The following CDK14 variants were observed in gnomAD, a reference collection of about 807,000 sequenced individuals.
CDK14 encodes cyclin dependent kinase 14, also known as cyclin-dependent kinase 14.
CDK14 carries 34 observed loss-of-function variants against 60.7 expected under a neutral mutation model. The ratio of observed to expected loss-of-function variants is 0.56; its 90% CI spans 0.43 to 0.75. The LOEUF (loss-of-function observed/expected upper bound fraction) is 0.75. Ranked by LOEUF, CDK14 falls within the 30% of genes least tolerant of loss-of-function variation. The pLI is 0.00. For missense variants in CDK14, 482 were observed against 564.1 expected (o/e 0.85, Z 1.47); for synonymous variants, 197 against 203.7 (o/e 0.97, Z 0.28).
chr7:91,017,050 T>A (rs1403448086), intron 10 of CDK14, among the ~76,000 whole-genome samples: 2 of 152,232 alleles, frequency 1.3e-5, no homozygotes, highest in African/African-American at 4.8e-5. Flanking sequence ...CAGTGGTGTT[T>A]CCTTTCTTCA....
intron 11 of CDK14, among the ~76,000 whole-genome samples, chr7:91,062,832 G>C (rs982495379): frequency 6.6e-6 from 1 of 152,114 alleles, no homozygotes; most frequent in African/African-American, 2.4e-5. Flanking sequence ...TGGTGAGCTG[G>C]GTTTCAGCTG....
rs1554416545 is a variant in CDK14 at position 90,598,704 on chromosome 7, A to ATTTGT, written c.91+1989_91+1990insGTTTT. Among the ~76,000 whole-genome samples the ATTTGT allele has an allele frequency of 3.1e-4, 27 of 87,904 alleles. 4 individuals carry two copies. The highest frequency in any genetic ancestry group is 1.2e-3 in the East Asian group (4 of 3,446). The allele number at this position is 87,904 out of a possible 152,430, so 57.7% of individuals were successfully genotyped here. A position where few individuals can be genotyped will look rare whatever the true frequency, so the allele number is the denominator to read the frequency against. On this transcript the variant is annotated intron_variant, in intron 1 of 14. Transcript: ENST00000380050. Reference sequence around the variant, plus strand: ...GTGAACTCATTCTGATTATCTAAGGATTTTTTTTTTTTTTTTTTGAGACGG... The same window carrying ATTTGT: ...GTGAACTCATTCTGATTATCTAAGGATTTGTTTTTTTTTTTTTTTTTTTGAGACGG...
chr7:90,682,575 A>G (rs1018621088), intron 2 of CDK14, among the ~76,000 whole-genome samples: 2 of 152,212 alleles, frequency 1.3e-5, no homozygotes. Context: ...GTTTATACCT[A>G]TTCAGCATAT....
chr7:90,984,272 A>C, intron 10 of CDK14, 31 bp downstream of exon 10: 1 of 1,459,170 alleles, frequency 6.9e-7, no homozygotes, highest in Non-Finnish European at 9.6e-7. Context: ...TTCTAAGAAA[A>C]ATTGGTTTCT....
At chr7:91,163,645 A>G (rs55946461) in intron 14 of CDK14, among the ~76,000 whole-genome samples, 18,396 of 152,168 alleles carry the variant, frequency 0.12, 1,845 homozygotes, top group East Asian at 0.52. Context: ...ACTTTGAAAT[A>G]CATAATACAG....
chr7:90,649,345 CTTCCTTCCTTCCTTCCTTCCT>C (rs1584768143), intron 2 of CDK14, among the ~76,000 whole-genome samples: 43 of 46,556 alleles, frequency 9.2e-4, no homozygotes, highest in East Asian at 6.5e-3. Flanking sequence ...TCCTTCCTTC[CTTCCTTCCTTCCTTCCTTCCT>C]TTCCTTCCTT....
intron 11 of CDK14, among the ~76,000 whole-genome samples, chr7:91,057,067 C>T (rs1443900825): frequency 6.6e-6 from 1 of 152,044 alleles, no homozygotes; most frequent in Non-Finnish European, 1.5e-5. Flanking sequence ...CTCTCCAGCA[C>T]CTGTTGTTTC....
chr7:90,888,460 ACT>A (rs781217665), intron 6 of CDK14, among the ~76,000 whole-genome samples: 1 of 151,866 alleles, frequency 6.6e-6, no homozygotes, highest in Non-Finnish European at 1.5e-5. Context: ...TTTTTAAAAG[ACT>A]CTATTATTCA....
At chr7:91,034,018 T>TTTC (rs1280620567) in intron 10 of CDK14, among the ~76,000 whole-genome samples, 1 of 152,236 alleles carries the variant, frequency 6.6e-6, no homozygotes, top group African/African-American at 2.4e-5. Context: ...ACTGCAGAAT[T>TTTC]TTCCAGGCAC....
intron 9 of CDK14, among the ~76,000 whole-genome samples, chr7:90,973,289 T>C (rs1242316594): frequency 2.0e-5 from 3 of 152,066 alleles, no homozygotes; most frequent in Non-Finnish European, 4.4e-5. Context: ...CCCCCCACCA[T>C]AATAGTCTAA....
At chr7:90,623,580 A>G (rs1345455051) in intron 2 of CDK14, among the ~76,000 whole-genome samples, 1 of 152,192 alleles carries the variant, frequency 6.6e-6, no homozygotes, top group Non-Finnish European at 1.5e-5. Context: ...TTTTCAATTT[A>G]TTAAAAAGTA....
intron 10 of CDK14, among the ~76,000 whole-genome samples, chr7:91,010,847 C>T (rs1050956631): frequency 1.2e-3 from 121 of 102,380 alleles, no homozygotes; most frequent in African/African-American, 4.1e-3. Context: ...CTCCCTCCCT[C>T]CCTCCCTCCC....
At chr7:90,778,693 C>T (rs1261122416) in intron 4 of CDK14, among the ~76,000 whole-genome samples, 1 of 152,012 alleles carries the variant, frequency 6.6e-6, no homozygotes. Flanking sequence ...CTTTCCCTTC[C>T]TCCTTCTCTT....
chr7:90,863,245 G>A lies in CDK14; in HGVS notation c.615G>A (p.Thr205=), dbSNP rs56269509. ...LLHDIIHTKE[T]LTLVFEYVHT... Reference sequence around the variant, plus strand: ...ATGACATCATCCATACCAAGGAGACGCTGACACTTGTGTTTGAATATGTGG... The same window carrying A: ...ATGACATCATCCATACCAAGGAGACACTGACACTTGTGTTTGAATATGTGG... Residue 205 remains threonine (T), a synonymous_variant, in exon 6 of 15, where the codon ACG becomes ACA. Coordinates refer to ENST00000380050, the MANE Select transcript of CDK14 (RefSeq NM_001287135.2). 2.3e-5 allele frequency: 37 copies of A among 1,598,096 alleles called. 1 individual carries two copies. The Middle Eastern group carries it at 5.0e-4, about 22-fold the overall frequency.
chr7:91,085,095 C>A (rs1283507816), intron 12 of CDK14, among the ~76,000 whole-genome samples: 2 of 152,246 alleles, frequency 1.3e-5, no homozygotes, highest in Non-Finnish European at 2.9e-5. Context: ...CAAATTACCA[C>A]ACATTTATTG....
chr7:90,935,571 T>G (rs961467675), intron 8 of CDK14, among the ~76,000 whole-genome samples: 1 of 152,228 alleles, frequency 6.6e-6, no homozygotes, highest in Non-Finnish European at 1.5e-5. Flanking sequence ...ATGATTACAG[T>G]AGCTATAAAT....
chr7:90,834,133 G>A (rs907691501), intron 5 of CDK14, among the ~76,000 whole-genome samples: 1 of 152,048 alleles, frequency 6.6e-6, no homozygotes, highest in Non-Finnish European at 1.5e-5. Flanking sequence ...TTTATTGTAA[G>A]GACATTTATT....
intron 14 of CDK14, among the ~76,000 whole-genome samples, chr7:91,122,320 A>C (rs140795807): frequency 6.6e-6 from 1 of 152,292 alleles, no homozygotes; most frequent in Non-Finnish European, 1.5e-5. Flanking sequence ...CTTGGTCATT[A>C]AGCAGTAATT....
At chr7:91,173,349 C>T (rs989831196) in intron 14 of CDK14, among the ~76,000 whole-genome samples, 3 of 151,748 alleles carry the variant, frequency 2.0e-5, no homozygotes, top group African/African-American at 7.3e-5. Flanking sequence ...ATCCCAGCTT[C>T]TAGGGAGGTT....
Sources: gnomAD v4.1 joint callset for allele counts (sites outside exome capture counted in the v4.1 genomes callset) on GRCh38, gnomAD v4.1.1 for gene constraint, MANE v1.5 for transcripts, NCBI Gene and HGNC (gene_info 2026-07-23, HGNC 2026-07-21) for gene names.